CRACDL: variants seen among roughly 807,000 people sequenced by gnomAD.
The protein encoded by CRACDL is CRACD like.
In CRACDL, 26 loss-of-function variants were observed where a neutral mutation model predicts 70.6. The ratio of observed to expected loss-of-function variants is 0.37; its 90% CI spans 0.27 to 0.51. CRACDL has a LOEUF of 0.51. Among genes scored for constraint, CRACDL ranks in the 20% least tolerant of loss-of-function variants. The pLI is 0.94. For missense variants in CRACDL, 1,283 were observed against 1,376.9 expected (o/e 0.93, Z 1.08); for synonymous variants, 618 against 615.2 (o/e 1.00, Z -0.07).
At chr2:98,871,051 C>T (rs905912131) in intron 1 of CRACDL, among the ~76,000 whole-genome samples, 2 of 152,256 alleles carry the variant, frequency 1.3e-5, no homozygotes, top group South Asian at 2.1e-4. Context: ...CACCGCCTCC[C>T]AGCATGCTCT....
chr2:98,890,837 A>G (rs879713481), intron 1 of CRACDL, among the ~76,000 whole-genome samples: 3 of 152,090 alleles, frequency 2.0e-5, no homozygotes, highest in Admixed American at 6.5e-5. Context: ...TGGGTGGACC[A>G]CCTGAGGTCA....
chr2:98,805,638 G>T (rs1704259528), intron 7 of CRACDL, among the ~76,000 whole-genome samples: 1 of 152,150 alleles, frequency 6.6e-6, no homozygotes, highest in Non-Finnish European at 1.5e-5. Flanking sequence ...AGCGAGTGCA[G>T]AGGATCTGAC....
At chr2:98,843,473 G>A (rs535439084) in intron 2 of CRACDL, among the ~76,000 whole-genome samples, 154 of 152,096 alleles carry the variant, frequency 1.0e-3, no homozygotes, top group African/African-American at 3.6e-3. Flanking sequence ...CTAATCCTTG[G>A]TCATAACTAT....
chr2:98,928,139 G>C (rs1239781275), intron 1 of CRACDL, among the ~76,000 whole-genome samples: 3 of 151,800 alleles, frequency 2.0e-5, no homozygotes, highest in African/African-American at 7.3e-5. Context: ...GATCAGAAAT[G>C]GCGCCACTGC....
chr2:98,804,950 G>C (rs79486758), intron 7 of CRACDL, among the ~76,000 whole-genome samples: 1,538 of 152,278 alleles, frequency 0.01, 14 homozygotes, highest in Non-Finnish European at 0.016. Context: ...CAATGAGAAC[G>C]GACTGGACCT....
At chr2:98,901,099 T>C (rs1185495087) in intron 1 of CRACDL, among the ~76,000 whole-genome samples, 1 of 152,212 alleles carries the variant, frequency 6.6e-6, no homozygotes. Context: ...AGTTTTTCCC[T>C]TGGCTCCACT....
intron 3 of CRACDL, among the ~76,000 whole-genome samples, chr2:98,836,677 T>TG (rs1705797068): frequency 6.6e-6 from 1 of 151,936 alleles, no homozygotes; most frequent in Non-Finnish European, 1.5e-5. Context: ...CAGGGGTGGA[T>TG]GGGGGTGGGT....
chr2:98,830,810 T>C (rs1256022456), intron 5 of CRACDL, among the ~76,000 whole-genome samples: 1 of 152,184 alleles, frequency 6.6e-6, no homozygotes, highest in African/African-American at 2.4e-5. Context: ...AGGCTTGCTC[T>C]TCAATGGATG....
At chr2:98,835,858 G>A (rs548119268) in intron 3 of CRACDL, among the ~76,000 whole-genome samples, 74 of 152,314 alleles carry the variant, frequency 4.9e-4, no homozygotes, top group African/African-American at 1.7e-3. Flanking sequence ...TCATCACCAG[G>A]TGTTAAAACT....
At position 98,918,771 on chromosome 2, in the gene CRACDL, G is replaced by A. The variant is rs150243956; in HGVS notation, c.-11+17167C>T. 6.4e-3 allele frequency among the ~76,000 whole-genome samples: 968 copies of A among 152,102 alleles called. 11 individuals carry two copies. The highest frequency in any genetic ancestry group is 0.022 in the African/African-American group (910 of 41,506). On this transcript the variant is annotated intron_variant, in intron 1 of 9. Coordinates refer to ENST00000397899, the MANE Select transcript of CRACDL (RefSeq NM_207362.3). ...ATGTCTATTCATGTCCTTTGCCCAT[G>A]TTTTAATGGGATTTTGTGTGGGTTT... is the stretch of plus-strand genomic sequence containing the variant.
At chr2:98,874,231 C>T (rs780326445) in intron 1 of CRACDL, among the ~76,000 whole-genome samples, 1 of 152,222 alleles carries the variant, frequency 6.6e-6, no homozygotes, top group African/African-American at 2.4e-5. Context: ...GCCACAGATA[C>T]GTTCTTTTCT....
intron 1 of CRACDL, among the ~76,000 whole-genome samples, chr2:98,918,618 T>C (rs562889720): frequency 2.6e-5 from 4 of 151,012 alleles, no homozygotes; most frequent in Non-Finnish European, 5.9e-5. Context: ...TGTCTTTTTA[T>C]AATAGCCATC....
chr2:98,867,830 G>C (rs904292637), intron 1 of CRACDL, among the ~76,000 whole-genome samples: 1 of 152,124 alleles, frequency 6.6e-6, no homozygotes, highest in Non-Finnish European at 1.5e-5. Context: ...AACTTCATGA[G>C]TTTATTGAGG....
chr2:98,814,134 AT>A (rs1704685816), intron 7 of CRACDL, among the ~76,000 whole-genome samples: 1 of 151,100 alleles, frequency 6.6e-6, no homozygotes, highest in South Asian at 2.1e-4. Flanking sequence ...GGTTTCATCA[AT>A]TTTTTTTCTA....
rs1334866664 is a variant in CRACDL at position 98,823,028 on chromosome 2, C to T, written c.1245G>A (p.Glu415=). Residue 415 remains glutamate, a synonymous_variant, in exon 7 of 10, where the codon GAG becomes GAA. Transcript: ENST00000397899. The surrounding 1 kb of genome is among the most constrained non-coding windows in gnomAD (Gnocchi z 4.0). ...AIPEGDTTPP[E]TDPAATSEAP... ...CCTCTGAGGTGGCGGCGGGGTCAGTCTCGGGGGGAGTCGTGTCCCCCTCAG... is the reference window on the plus strand; with the variant it reads ...CCTCTGAGGTGGCGGCGGGGTCAGTTTCGGGGGGAGTCGTGTCCCCCTCAG... 6 of 1,542,384 alleles carry T rather than the reference C, an allele frequency of 3.9e-6. No individual in the cohort carries two copies. Among genetic ancestry groups the T allele is most frequent in the South Asian group, 2.4e-5 (2 of 83,380 alleles).
At chr2:98,892,744 CATAT>C (rs1708011364) in intron 1 of CRACDL, among the ~76,000 whole-genome samples, 1 of 151,920 alleles carries the variant, frequency 6.6e-6, no homozygotes, top group Non-Finnish European at 1.5e-5. Flanking sequence ...GGAAAACATG[CATAT>C]ATACAGTATG....
intron 1 of CRACDL, among the ~76,000 whole-genome samples, chr2:98,902,095 C>A (rs1456969442): frequency 6.6e-6 from 1 of 152,162 alleles, no homozygotes; most frequent in East Asian, 1.9e-4. Flanking sequence ...ACAACCAGGG[C>A]TAGTGACTCT....
intron 7 of CRACDL, among the ~76,000 whole-genome samples, chr2:98,820,752 TC>T (rs1352558780): frequency 6.6e-6 from 1 of 152,200 alleles, no homozygotes; most frequent in Non-Finnish European, 1.5e-5. Flanking sequence ...GTTAACCCAA[TC>T]TCCCTTTCAG....
intron 5 of CRACDL, among the ~76,000 whole-genome samples, chr2:98,831,799 G>A (rs143418428): frequency 6.6e-6 from 1 of 152,136 alleles, no homozygotes; most frequent in African/African-American, 2.4e-5. Context: ...GTTTGGGACT[G>A]GTTCCTCCAC....
Sources: allele counts gnomAD v4.1 joint callset (sites outside exome capture counted in the v4.1 genomes callset), GRCh38; gene constraint gnomAD v4.1.1; non-coding constraint Gnocchi (gnomAD v3.1); transcripts MANE v1.5; gene names NCBI Gene and HGNC (gene_info 2026-07-23, HGNC 2026-07-21).